Variants in SEC22C observed in about 807,000 individuals in gnomAD.
SEC22C encodes the protein SEC22 homolog C, vesicle trafficking protein.
Under a neutral mutation model 34.7 loss-of-function variants are expected in SEC22C, and 29 were observed. That is an observed-to-expected ratio of 0.84 (90% CI 0.62 to 1.14). The LOEUF (loss-of-function observed/expected upper bound fraction) is 1.14. Among genes scored for constraint, SEC22C ranks in the 50% most tolerant of loss-of-function variants. The pLI is 0.00. For synonymous variants in SEC22C, 117 were observed against 132.8 expected (o/e 0.88, Z 0.82); for missense variants, 337 against 369.0 (o/e 0.91, Z 0.71).
chr3:42,552,604 TAAATA>T lies in SEC22C; in HGVS notation c.*639_*643del. On this transcript the variant is annotated 3_prime_UTR_variant, in exon 7 of 7. Transcript: ENST00000264454. ...CCACTATAAAAGGTTACATATAAAT[TAAATA>T]AACTCAGATTTCTTAACCATTTTCT... 4.1e-6 allele frequency: 4 copies of T among 983,362 alleles called. No homozygotes were observed. The highest frequency in any genetic ancestry group is 4.8e-6 in the Non-Finnish European group (4 of 828,082). The allele number at this position is 983,362 out of a possible 1,614,324, so 60.9% of individuals were successfully genotyped here. A position where few individuals can be genotyped will look rare whatever the true frequency, so the allele number is the denominator to read the frequency against.
intron 4 of SEC22C, among the ~76,000 whole-genome samples, chr3:42,559,519 C>T (rs923732625): frequency 1.3e-5 from 2 of 152,166 alleles, no homozygotes; most frequent in Non-Finnish European, 2.9e-5. Context: ...AAACTAGAAA[C>T]ACTTATTGAC....
At chr3:42,570,787 T>C (rs990941972) in intron 1 of SEC22C, among the ~76,000 whole-genome samples, 5 of 152,198 alleles carry the variant, frequency 3.3e-5, no homozygotes, top group African/African-American at 4.8e-5. Flanking sequence ...ATTTGAAATA[T>C]TTAATTTTAA....
At chr3:42,572,682 G>A (rs977710006) in intron 1 of SEC22C, among the ~76,000 whole-genome samples, 1 of 152,174 alleles carries the variant, frequency 6.6e-6, no homozygotes, top group South Asian at 2.1e-4. Context: ...AGAAGGGCCA[G>A]CTAAAACAGA....
intron 1 of SEC22C, among the ~76,000 whole-genome samples, chr3:42,593,330 T>C (rs972327980): frequency 6.6e-6 from 1 of 152,144 alleles, no homozygotes; most frequent in African/African-American, 2.4e-5. Flanking sequence ...GGCAGGAGAA[T>C]TGCTTGAACC....
upstream of SEC22C, among the ~76,000 whole-genome samples, chr3:42,583,116 G>A (rs1305112780): frequency 1.3e-5 from 2 of 152,314 alleles, no homozygotes; most frequent in South Asian, 2.1e-4. Context: ...GGATTTTATG[G>A]ACCATAGTGG....
At chr3:42,562,769 C>A (rs1424030791) in intron 3 of SEC22C, among the ~76,000 whole-genome samples, 2 of 152,242 alleles carry the variant, frequency 1.3e-5, no homozygotes, top group East Asian at 3.8e-4. Flanking sequence ...AAATAGGGCA[C>A]ACACTGATTA....
chr3:42,564,160 A>C (rs1703094279), intron 2 of SEC22C: 2 of 314,514 alleles, frequency 6.4e-6, no homozygotes, highest in South Asian at 5.8e-5. Flanking sequence ...TGCAAATAAG[A>C]CTGGCCTATA....
Position 42,549,941 on chromosome 3 carries a change from G to C in SEC22C, c.*3307C>G, listed in dbSNP as rs771656965. The C allele has an allele frequency of 1.1e-4, 111 of 985,380 alleles. No individual in the cohort carries two copies. The highest frequency in any genetic ancestry group is 5.2e-4 in the Middle Eastern group (1 of 1,936). 61.0% of individuals were successfully genotyped at this position (985,380 alleles called of 1,614,324 possible). A position where few individuals can be genotyped will look rare whatever the true frequency, so the allele number is the denominator to read the frequency against. ...CCAGCTGCAGGCAGTGGGGCCTCTG[G>C]TACTGAGAGGGAATGCCACCCGAAT... On this transcript the variant is annotated 3_prime_UTR_variant, in exon 7 of 7. Transcript: ENST00000264454.
chr3:42,576,538 A>G (rs1673673456), intron 1 of SEC22C, among the ~76,000 whole-genome samples: 1 of 152,132 alleles, frequency 6.6e-6, no homozygotes, highest in South Asian at 2.1e-4. Flanking sequence ...TAAAGCTATA[A>G]TTTTTTAAAT....
Position 42,568,971 on chromosome 3 carries a change from G to C in SEC22C, c.76C>G (p.His26Asp). 1.2e-6 allele frequency: 2 copies of C among 1,614,096 alleles called. No individual in the cohort carries two copies. Among genetic ancestry groups the C allele is most frequent in the Non-Finnish European group, 1.7e-6 (2 of 1,180,032 alleles). Reference sequence around the variant, plus strand: ...CTCCATTCCAAAAAATCTTGGGTGTGGTAAAAATCAGTAGAGGCTGAGAGG... The same window carrying C: ...CTCCATTCCAAAAAATCTTGGGTGTCGTAAAAATCAGTAGAGGCTGAGAGG... ...LPLSASTDFY[H>D]TQDFLEWRRR... The change falls in exon 2 of 7, where the codon CAC becomes GAC. Residue 26 changes from histidine to aspartate, a missense_variant. Coordinates refer to ENST00000264454, the MANE Select transcript of SEC22C (RefSeq NM_032970.4).
At chr3:42,582,655 A>G (rs1704457932), upstream of SEC22C, among the ~76,000 whole-genome samples, 1 of 152,258 alleles carries the variant, frequency 6.6e-6, no homozygotes, top group African/African-American at 2.4e-5. Flanking sequence ...TCAAACAATC[A>G]AACACCTGTA....
In SEC22C at chr3:42,551,384, C is replaced by G; in HGVS notation, c.*1864G>C. ...AGAGACAGGGTTTCACTCTGTCATG[C>G]AGGCTGGGGTGCAGTGGTGTGATTA... is the stretch of plus-strand genomic sequence containing the variant. On this transcript the variant is annotated 3_prime_UTR_variant, in exon 7 of 7. Coordinates refer to ENST00000264454, the MANE Select transcript of SEC22C (RefSeq NM_032970.4). The G allele has an allele frequency of 1.0e-6, 1 of 965,850 alleles. No homozygotes were observed. The highest frequency in any genetic ancestry group is 1.2e-6 in the Non-Finnish European group (1 of 812,164). The allele number at this position is 965,850 out of a possible 1,614,324, so 59.8% of individuals were successfully genotyped here. A position where few individuals can be genotyped will look rare whatever the true frequency, so the allele number is the denominator to read the frequency against.
At chr3:42,556,880 C>A (rs1206652530) in intron 5 of SEC22C, among the ~76,000 whole-genome samples, 2 of 152,074 alleles carry the variant, frequency 1.3e-5, no homozygotes, top group African/African-American at 2.4e-5. Context: ...TGCGCCACCA[C>A]GCCCAGCTAA....
Position 42,548,655 on chromosome 3 carries a change from A to C in SEC22C, c.*4593T>G. The C allele has an allele frequency of 6.2e-7, 1 of 1,614,020 alleles. No homozygotes were observed. The highest frequency in any genetic ancestry group is 8.5e-7 in the Non-Finnish European group (1 of 1,180,020). Reference sequence around the variant, plus strand: ...CCAACCAGCAGAACCAGCTCCTTGGATCCTGGAATAAACCAAACATCAATG... The same window carrying C: ...CCAACCAGCAGAACCAGCTCCTTGGCTCCTGGAATAAACCAAACATCAATG... On this transcript the variant is annotated 3_prime_UTR_variant, in exon 7 of 7. Transcript: ENST00000264454.
intron 1 of SEC22C, among the ~76,000 whole-genome samples, chr3:42,575,938 T>C (rs67832425): frequency 0.14 from 20,886 of 152,140 alleles, 1,835 homozygotes; most frequent in African/African-American, 0.24. Context: ...AACCACAGAA[T>C]GTCTACCAAG....
At chr3:42,588,244 A>T (rs900550525) in intron 1 of SEC22C, among the ~76,000 whole-genome samples, 6 of 151,648 alleles carry the variant, frequency 4.0e-5, no homozygotes, top group Non-Finnish European at 5.9e-5. Flanking sequence ...TCTACTAAAA[A>T]TACAAAAAAA....
At chr3:42,559,338 C>T (rs756324337) in intron 4 of SEC22C, among the ~76,000 whole-genome samples, 13 of 152,182 alleles carry the variant, frequency 8.5e-5, no homozygotes, top group Non-Finnish European at 1.6e-4. Flanking sequence ...AGTAAAATGT[C>T]CTAGAAAGAC....
intron 1 of SEC22C, among the ~76,000 whole-genome samples, chr3:42,595,950 A>G (rs2125743206): frequency 6.6e-6 from 1 of 152,302 alleles, no homozygotes; most frequent in South Asian, 2.1e-4. Flanking sequence ...ATGTTAATCT[A>G]TGTTAGCACT....
At chr3:42,588,490 A>G (rs1040015465) in intron 1 of SEC22C, among the ~76,000 whole-genome samples, 4 of 152,236 alleles carry the variant, frequency 2.6e-5, no homozygotes, top group African/African-American at 9.6e-5. Context: ...AGCCATAAAC[A>G]TAAAGCCTAC....
Sources: allele counts gnomAD v4.1 joint callset (sites outside exome capture counted in the v4.1 genomes callset), GRCh38; gene constraint gnomAD v4.1.1; transcripts MANE v1.5; gene names NCBI Gene and HGNC (gene_info 2026-07-23, HGNC 2026-07-21).